ANKRD44: variants seen among roughly 807,000 people sequenced by gnomAD.
ANKRD44 encodes the protein serine/threonine-protein phosphatase 6 regulatory ankyrin repeat subunit B.
ANKRD44 carries 35 observed loss-of-function variants against 116.0 expected under a neutral mutation model. That is an observed-to-expected ratio of 0.30 (90% CI 0.23 to 0.40). The LOEUF (loss-of-function observed/expected upper bound fraction) is 0.40. Ranked by LOEUF, ANKRD44 falls within the 10% of genes least tolerant of loss-of-function variation. ANKRD44 has a pLI of 1.00. For missense variants in ANKRD44, 1,014 were observed against 1,242.6 expected (o/e 0.82, Z 2.77); for synonymous variants, 435 against 461.8 (o/e 0.94, Z 0.74).
Position 197,088,790 on chromosome 2 carries a change from G to A in ANKRD44, c.1184-16C>T, listed in dbSNP as rs1245592897. On this transcript the variant is annotated splice_polypyrimidine_tract_variant and intron_variant, in intron 11 of 27. Transcript: ENST00000282272. ...ATTTCAAAGCCTGCAGACAGCACGT[G>A]CTCATTACTAAACAAGGATACTATG... is the stretch of plus-strand genomic sequence containing the variant. 6.2e-7 allele frequency: 1 copy of A among 1,612,418 alleles called. No homozygotes were observed. The highest frequency in any genetic ancestry group is 8.5e-7 in the Non-Finnish European group (1 of 1,179,020).
At chr2:197,164,131 C>T (rs2080039644) in intron 2 of ANKRD44, among the ~76,000 whole-genome samples, 1 of 152,242 alleles carries the variant, frequency 6.6e-6, no homozygotes, top group African/African-American at 2.4e-5. Flanking sequence ...CCAGCCCTGT[C>T]GCTGGGCTAG....
At chr2:197,273,612 G>A (rs901208572) in intron 1 of ANKRD44, among the ~76,000 whole-genome samples, 28 of 152,140 alleles carry the variant, frequency 1.8e-4, no homozygotes, top group Non-Finnish European at 4.0e-4. Flanking sequence ...AAGAGAGGAA[G>A]AGGGCGCAGG....
At chr2:197,230,162 A>T (rs900288127) in intron 1 of ANKRD44, among the ~76,000 whole-genome samples, 3 of 152,172 alleles carry the variant, frequency 2.0e-5, no homozygotes, top group Non-Finnish European at 2.9e-5. Flanking sequence ...TAGACTGCCA[A>T]GAATTTTTTT....
chr2:197,156,345 CA>C lies in ANKRD44; in HGVS notation c.112-9241del, dbSNP rs566571449. On this transcript the variant is annotated intron_variant, in intron 2 of 27. Transcript: ENST00000282272. Reference sequence around the variant, plus strand: ...TGGGCGACAGAGCGAGACTCCGTCTCAAAAAAAAAAAAACAGTGCCCACCGT... The same window carrying C: ...TGGGCGACAGAGCGAGACTCCGTCTCAAAAAAAAAAAACAGTGCCCACCGT... Among the ~76,000 whole-genome samples, 446 of 125,376 alleles carry C rather than the reference CA, an allele frequency of 3.6e-3. 2 individuals are homozygous for C. The highest frequency in any genetic ancestry group is 9.8e-3 in the African/African-American group (335 of 34,318). The allele number at this position is 125,376 out of a possible 152,430, so 82.3% of individuals were successfully genotyped here.
intron 17 of ANKRD44, chr2:197,015,302 G>A (rs113633035): frequency 1.6e-5 from 7 of 435,198 alleles, no homozygotes; most frequent in African/African-American, 8.2e-5. Flanking sequence ...TAGAGGAATA[G>A]AATTTGAGAG....
chr2:197,100,089 G>A (rs1466214911), intron 9 of ANKRD44, among the ~76,000 whole-genome samples, 159 bp from the exon 10 acceptor site: 1 of 152,234 alleles, frequency 6.6e-6, no homozygotes, highest in Non-Finnish European at 1.5e-5. Context: ...AAGGGGACAA[G>A]TCACCATCTG....
intron 2 of ANKRD44, among the ~76,000 whole-genome samples, chr2:197,150,542 C>G (rs2079618153): frequency 6.6e-6 from 1 of 151,838 alleles, no homozygotes; most frequent in Admixed American, 6.6e-5. Flanking sequence ...GAGCGAGACT[C>G]CATCTCAAAA....
chr2:197,227,645 TG>T (rs2081750815), intron 1 of ANKRD44, among the ~76,000 whole-genome samples: 1 of 151,526 alleles, frequency 6.6e-6, no homozygotes, highest in African/African-American at 2.4e-5. Context: ...AAAAGACAGC[TG>T]ACTTGTGAGA....
At position 197,077,845 on chromosome 2, in the gene ANKRD44, A is replaced by T. The variant is rs549097908; in HGVS notation, c.1650+858T>A. ...TGTTTTATAATTGTCACAAATAGTC[A>T]TCTCTTTGTAAATTACACAGGGCAA... On this transcript the variant is annotated intron_variant, in intron 16 of 27. Transcript: ENST00000282272. 7.2e-5 allele frequency: 11 copies of T among 152,302 alleles called. No homozygotes were observed. The South Asian group carries it at 2.1e-3, about 29-fold the overall frequency. The allele number at this position is 152,302 out of a possible 1,614,324, so 9.4% of individuals were successfully genotyped here. A position where few individuals can be genotyped will look rare whatever the true frequency, so the allele number is the denominator to read the frequency against.
At chr2:197,038,384 C>G (rs1363398684) in intron 16 of ANKRD44, among the ~76,000 whole-genome samples, 1 of 152,142 alleles carries the variant, frequency 6.6e-6, no homozygotes, top group Non-Finnish European at 1.5e-5. Context: ...ATCAGCAAAA[C>G]AAGCAAACAA....
intron 1 of ANKRD44, among the ~76,000 whole-genome samples, chr2:197,219,144 G>C (rs1215486648): frequency 6.8e-6 from 1 of 146,246 alleles, no homozygotes; most frequent in African/African-American, 2.6e-5. Flanking sequence ...ATCTCAGCTC[G>C]CTGCAACCTC....
intron 16 of ANKRD44, among the ~76,000 whole-genome samples, chr2:197,075,741 G>A (rs2077652135): frequency 6.6e-6 from 1 of 152,102 alleles, no homozygotes; most frequent in East Asian, 1.9e-4. Flanking sequence ...TTTGATTACA[G>A]CAAAACGGAC....
At chr2:197,275,976 T>C (rs2083069985) in intron 1 of ANKRD44, among the ~76,000 whole-genome samples, 1 of 152,196 alleles carries the variant, frequency 6.6e-6, no homozygotes, top group Admixed American at 6.5e-5. Flanking sequence ...TGTAATGTAT[T>C]TTGTTCAGAA....
At chr2:197,106,522 G>A (rs926703043) in intron 9 of ANKRD44, among the ~76,000 whole-genome samples, 1 of 151,312 alleles carries the variant, frequency 6.6e-6, no homozygotes, top group Non-Finnish European at 1.5e-5. Context: ...AGTCGCAGTG[G>A]CTCACGCCTG....
At chr2:197,108,823 G>A (rs565460698) in intron 9 of ANKRD44, among the ~76,000 whole-genome samples, 1 of 149,310 alleles carries the variant, frequency 6.7e-6, no homozygotes, top group South Asian at 2.2e-4. Context: ...GAGCAACAGA[G>A]TGAGAAAGTG....
rs201636555 is a variant in ANKRD44 at position 197,280,856 on chromosome 2, T to C, written c.27+29722A>G. Among the ~76,000 whole-genome samples, 18 of 152,342 alleles carry C rather than the reference T, an allele frequency of 1.2e-4. No individual in the cohort carries two copies. The East Asian group carries it at 1.9e-3, about 16-fold the overall frequency. ...TTCTCCCAGTAGTCCATCTCACTACTGTCTAGCTAAACCTCTCCAACTAAG... is the reference window on the plus strand; with the variant it reads ...TTCTCCCAGTAGTCCATCTCACTACCGTCTAGCTAAACCTCTCCAACTAAG... On this transcript the variant is annotated intron_variant, in intron 1 of 27. Transcript: ENST00000282272.
chr2:197,250,480 C>T (rs1336644023), intron 1 of ANKRD44, among the ~76,000 whole-genome samples: 3 of 152,048 alleles, frequency 2.0e-5, no homozygotes, highest in Non-Finnish European at 2.9e-5. Context: ...TTCATTCATC[C>T]CGAGGCTGGC....
intron 27 of ANKRD44, among the ~76,000 whole-genome samples, chr2:196,991,829 C>T (rs1057124278): frequency 1.4e-4 from 21 of 151,850 alleles, no homozygotes; most frequent in East Asian, 1.4e-3. Flanking sequence ...TGGGCTCAAG[C>T]GATCCTCCCA....
chr2:197,160,121 G>C (rs561149065), intron 2 of ANKRD44, among the ~76,000 whole-genome samples: 1 of 152,120 alleles, frequency 6.6e-6, no homozygotes, highest in Admixed American at 6.5e-5. Context: ...AAACTCTGGA[G>C]TCAGAATGAC....
Sources: allele counts gnomAD v4.1 joint callset (sites outside exome capture counted in the v4.1 genomes callset), GRCh38; gene constraint gnomAD v4.1.1; transcripts MANE v1.5; gene names NCBI Gene and HGNC (gene_info 2026-07-23, HGNC 2026-07-21).